Variants in DDX10 observed in about 807,000 individuals in gnomAD.
DDX10 encodes DEAD-box helicase 10.
In DDX10, 74 loss-of-function variants were observed where a neutral mutation model predicts 104.3. The ratio of observed to expected loss-of-function variants is 0.71; its 90% CI spans 0.59 to 0.86. The LOEUF is 0.86. Among genes scored for constraint, DDX10 ranks in the 40% least tolerant of loss-of-function variants. The pLI is 0.00. For synonymous variants in DDX10, 351 were observed against 353.4 expected (o/e 0.99, Z 0.08); for missense variants, 952 against 1,040.0 (o/e 0.92, Z 1.16).
chr11:108,726,145 C>T (rs1191430547), intron 13 of DDX10, among the ~76,000 whole-genome samples: 1 of 152,038 alleles, frequency 6.6e-6, no homozygotes, highest in African/African-American at 2.4e-5. Flanking sequence ...TAGCTTTATA[C>T]TAAGTCTTAA....
chr11:108,849,087 G>C (rs1484855384), intron 15 of DDX10, among the ~76,000 whole-genome samples: 1 of 152,052 alleles, frequency 6.6e-6, no homozygotes, highest in Non-Finnish European at 1.5e-5. Context: ...CTGTAAAATA[G>C]GTAACAGATT....
Position 108,675,649 on chromosome 11 carries a change from G to A in DDX10, c.301G>A (p.Gly101Arg). 6.2e-7 allele frequency: 1 copy of A among 1,614,152 alleles called. No individual in the cohort carries two copies. The highest frequency in any genetic ancestry group is 8.5e-7 in the Non-Finnish European group (1 of 1,180,006). Residue 101 changes from glycine to arginine, a missense_variant, in exon 3 of 18, where the codon GGA becomes AGA. Gly to Arg is a moderately radical substitution (Grantham distance 125). This residue lies in a region of DDX10 where 412 missense variants were observed against 479.2 expected (regional missense o/e 0.86). Transcript: ENST00000322536. The stretch of plus-strand genomic sequence containing the variant: ...GACTGAGATACAGAAGCAGACCATT[G>A]GATTGGCTTTGCAAGGTAAAGATGT... ...LVTEIQKQTI[G>R]LALQGKDVLG...
At chr11:108,698,239 A>C (rs1035951563) in intron 9 of DDX10, among the ~76,000 whole-genome samples, 2 of 152,238 alleles carry the variant, frequency 1.3e-5, no homozygotes, top group African/African-American at 4.8e-5. Context: ...AGTGTCTTTA[A>C]TTGGTTTGTG....
intron 17 of DDX10, among the ~76,000 whole-genome samples, chr11:108,932,511 A>T (rs1268408683): frequency 1.3e-5 from 2 of 151,966 alleles, no homozygotes; most frequent in South Asian, 2.1e-4. Flanking sequence ...GTCTTTGAGG[A>T]TCCTCTTCCA....
intron 17 of DDX10, among the ~76,000 whole-genome samples, chr11:108,936,539 C>G (rs756789790): frequency 9.2e-5 from 14 of 152,032 alleles, no homozygotes; most frequent in Non-Finnish European, 1.3e-4. Flanking sequence ...AAAAAATCTT[C>G]CAAACCTTTT....
At chr11:108,681,796 T>A (rs1410418375) in intron 6 of DDX10, among the ~76,000 whole-genome samples, 1 of 152,238 alleles carries the variant, frequency 6.6e-6, no homozygotes, top group Non-Finnish European at 1.5e-5. Context: ...TGGTGGATTA[T>A]GAAAAATTTC....
rs184517676 is a variant in DDX10 at position 108,725,190 on chromosome 11, G to A, written c.1965+1728G>A. The stretch of plus-strand genomic sequence containing the variant: ...TTAATTGCTGAGTAAGTATTTCATT[G>A]GATGGATGTAGGTTTTCTTAAGCTT... On this transcript the variant is annotated intron_variant, in intron 13 of 17. Transcript: ENST00000322536. Among the ~76,000 whole-genome samples the A allele has an allele frequency of 1.1e-3, 168 of 152,128 alleles. 1 individual carries two copies. Among genetic ancestry groups the A allele is most frequent in the Non-Finnish European group, 1.3e-3 (87 of 67,920 alleles).
At chr11:108,916,102 CA>C (rs1863747265) in intron 16 of DDX10, among the ~76,000 whole-genome samples, 1 of 151,822 alleles carries the variant, frequency 6.6e-6, no homozygotes, top group African/African-American at 2.4e-5. Flanking sequence ...CCCATGTTAA[CA>C]AAAGCTCTTT....
intron 16 of DDX10, among the ~76,000 whole-genome samples, chr11:108,886,636 C>T (rs1863299624): frequency 1.3e-5 from 2 of 152,070 alleles, no homozygotes; most frequent in African/African-American, 4.8e-5. Flanking sequence ...ATATAAGATA[C>T]CAGAAACAAA....
intron 13 of DDX10, among the ~76,000 whole-genome samples, chr11:108,762,133 G>A (rs1420452289): frequency 1.3e-5 from 2 of 152,122 alleles, no homozygotes; most frequent in African/African-American, 2.4e-5. Flanking sequence ...CTAAAATTCT[G>A]ATGCCTTGGG....
intron 13 of DDX10, among the ~76,000 whole-genome samples, chr11:108,794,414 C>A (rs1565280360): frequency 2.0e-5 from 3 of 152,048 alleles, no homozygotes; most frequent in Admixed American, 1.3e-4. Flanking sequence ...ACCTCTAATA[C>A]AATGTTGACT....
chr11:108,879,380 A>G lies in DDX10; in HGVS notation c.2304+27171A>G, dbSNP rs563613659. On this transcript the variant is annotated intron_variant, in intron 16 of 17. Coordinates refer to ENST00000322536, the MANE Select transcript of DDX10 (RefSeq NM_004398.4). Reference sequence around the variant, plus strand: ...TAGCTGTATTCTTACAAAGATAAACAGGTAGCTTCCTATTTATATAAATAG... The same window carrying G: ...TAGCTGTATTCTTACAAAGATAAACGGGTAGCTTCCTATTTATATAAATAG... 3.9e-5 allele frequency among the ~76,000 whole-genome samples: 6 copies of G among 152,350 alleles called. No homozygotes were observed. The East Asian group carries it at 1.2e-3, about 29-fold the overall frequency.
chr11:108,829,799 T>C (rs1862444443), intron 13 of DDX10, among the ~76,000 whole-genome samples: 4 of 152,198 alleles, frequency 2.6e-5, no homozygotes, highest in Admixed American at 2.0e-4. Context: ...CTCCTACATG[T>C]GGCTTGCCAG....
intron 16 of DDX10, chr11:108,860,850 C>CT (rs1401909719): frequency 1.3e-5 from 2 of 151,962 alleles, no homozygotes; most frequent in Admixed American, 6.6e-5. Flanking sequence ...CCGGCCGCCA[C>CT]TATTTCTTAA....
At chr11:108,881,096 C>T (rs151093853) in intron 16 of DDX10, among the ~76,000 whole-genome samples, 28 of 152,254 alleles carry the variant, frequency 1.8e-4, no homozygotes, top group African/African-American at 4.8e-4. Context: ...TTTCTTAATG[C>T]GTCACATGCA....
intron 16 of DDX10, among the ~76,000 whole-genome samples, chr11:108,889,036 G>A (rs939844255): frequency 7.2e-5 from 11 of 152,242 alleles, no homozygotes; most frequent in African/African-American, 2.6e-4. Context: ...GTTTGTTTGA[G>A]AATTAAGGGT....
At chr11:108,822,175 C>A (rs534335780) in intron 13 of DDX10, among the ~76,000 whole-genome samples, 2 of 152,324 alleles carry the variant, frequency 1.3e-5, no homozygotes, top group East Asian at 3.9e-4. Context: ...CATCTAACCA[C>A]AGGCCAGTCT....
At chr11:108,777,671 A>G (rs939419337) in intron 13 of DDX10, among the ~76,000 whole-genome samples, 2 of 152,168 alleles carry the variant, frequency 1.3e-5, no homozygotes, top group African/African-American at 4.8e-5. Context: ...CCTATTCAAC[A>G]TAGTGTTGGA....
intron 16 of DDX10, among the ~76,000 whole-genome samples, chr11:108,906,015 TGG>T (rs1863592182): frequency 6.6e-6 from 1 of 152,224 alleles, no homozygotes; most frequent in South Asian, 2.1e-4. Context: ...CCTCCAGCAT[TGG>T]GGATTACAAT....
Sources: gnomAD v4.1 joint callset for allele counts (sites outside exome capture counted in the v4.1 genomes callset) on GRCh38, gnomAD v4.1.1 for gene constraint, gnomAD v4.1.1 regional missense constraint, MANE v1.5 for transcripts, NCBI Gene and HGNC (gene_info 2026-07-23, HGNC 2026-07-21) for gene names.